The following JAKMIP2 variants were observed in gnomAD, a reference collection of about 807,000 sequenced individuals.
JAKMIP2 encodes the protein janus kinase and microtubule-interacting protein 2.
Under a neutral mutation model 115.0 loss-of-function variants are expected in JAKMIP2, and 25 were observed. That is an observed-to-expected ratio of 0.22 (90% CI 0.16 to 0.30). The LOEUF (loss-of-function observed/expected upper bound fraction) is 0.30. Ranked by LOEUF, JAKMIP2 falls within the 10% of genes least tolerant of loss-of-function variation. JAKMIP2 has a pLI of 1.00. For missense variants in JAKMIP2, 642 were observed against 957.6 expected, an observed-to-expected ratio of 0.67 and a Z score of 4.35; for synonymous variants, 334 against 343.6, an observed-to-expected ratio of 0.97 and a Z score of 0.31.
intron 2 of JAKMIP2, among the ~76,000 whole-genome samples, chr5:147,669,657 C>A (rs1314583367): frequency 2.0e-5 from 3 of 152,144 alleles, no homozygotes; most frequent in Admixed American, 2.0e-4. Context: ...GTCATAACTG[C>A]AATTAAAGGA....
At position 147,703,624 on chromosome 5, in the gene JAKMIP2, A is replaced by G. The variant is rs1194480057; in HGVS notation, c.-148-31670T>C. Among the ~76,000 whole-genome samples, 3 of 146,762 alleles carry G rather than the reference A, an allele frequency of 2.0e-5. No homozygotes were observed. In the East Asian group the frequency reaches 6.0e-4, roughly 29 times the overall value. On this transcript the variant is annotated intron_variant, in intron 1 of 21. Transcript: ENST00000616793. ...TTTTTTTTTTTAGTGACAAGACCTCACTATGTTTCCCAGGCTGGTCTCGTG... is the reference window on the plus strand; with the variant it reads ...TTTTTTTTTTTAGTGACAAGACCTCGCTATGTTTCCCAGGCTGGTCTCGTG...
At chr5:147,735,877 T>C (rs1385325872) in intron 1 of JAKMIP2, among the ~76,000 whole-genome samples, 2 of 152,204 alleles carry the variant, frequency 1.3e-5, no homozygotes, top group Non-Finnish European at 2.9e-5. Flanking sequence ...CACAGTGGAC[T>C]AGAATGAATG....
intron 1 of JAKMIP2, among the ~76,000 whole-genome samples, chr5:147,710,501 C>A (rs1752736873): frequency 6.6e-6 from 1 of 152,188 alleles, no homozygotes; most frequent in Non-Finnish European, 1.5e-5. Context: ...GGCTTTACGA[C>A]TTACTAGCTG....
chr5:147,591,864 A>T (rs1226925667), intron 21 of JAKMIP2, among the ~76,000 whole-genome samples, 178 bp from the exon 22 acceptor site: 2 of 152,196 alleles, frequency 1.3e-5, no homozygotes, highest in Non-Finnish European at 2.9e-5. Context: ...GAGAAAATAG[A>T]AGTCTCTATG....
intron 1 of JAKMIP2, among the ~76,000 whole-genome samples, chr5:147,697,804 C>T (rs1752164570): frequency 6.6e-6 from 1 of 152,208 alleles, no homozygotes; most frequent in Non-Finnish European, 1.5e-5. Flanking sequence ...GCCTGGATGT[C>T]CAGGCAGAAA....
At chr5:147,652,299 A>G (rs537363553) in intron 3 of JAKMIP2, among the ~76,000 whole-genome samples, 3 of 152,318 alleles carry the variant, frequency 2.0e-5, no homozygotes, top group South Asian at 2.1e-4. Flanking sequence ...GTTAGGTACT[A>G]TGCTATACTG....
chr5:147,604,727 TC>T (rs1202863321), intron 20 of JAKMIP2, among the ~76,000 whole-genome samples: 10 of 152,100 alleles, frequency 6.6e-5, no homozygotes, highest in African/African-American at 2.4e-4. Context: ...TGATTGGAAT[TC>T]CAGAGAAAAA....
chr5:147,628,964 A>T, intron 15 of JAKMIP2, 148 bp from the exon 16 acceptor site: 1 of 568,054 alleles, frequency 1.8e-6, no homozygotes. Context: ...ATAATTCTGA[A>T]CAAAGAGTTA....
At chr5:147,773,754 G>T (rs1755450917) in intron 1 of JAKMIP2, among the ~76,000 whole-genome samples, 1 of 152,034 alleles carries the variant, frequency 6.6e-6, no homozygotes, top group African/African-American at 2.4e-5. Flanking sequence ...AAAACCCAAA[G>T]GTCACACTCA....
In JAKMIP2 at chr5:147,588,059, C is replaced by T. The variant is rs1007482193; in HGVS notation, c.*3648G>A. ...TCAGAAGGGTTGTAATTTTTTTCAG[C>T]AAATTCTATTTCCTAAAAGTAGGGT... On this transcript the variant is annotated 3_prime_UTR_variant, in exon 22 of 22. Transcript: ENST00000616793. 6.6e-6 allele frequency: 1 copy of T among 151,744 alleles called. No homozygotes were observed. Among genetic ancestry groups the T allele is most frequent in the African/African-American group, 2.4e-5 (1 of 41,300 alleles). The allele number at this position is 151,744 out of a possible 1,614,324, so 9.4% of individuals were successfully genotyped here.
chr5:147,643,253 G>T (rs1157815821), intron 7 of JAKMIP2, among the ~76,000 whole-genome samples: 1 of 152,094 alleles, frequency 6.6e-6, no homozygotes, highest in Non-Finnish European at 1.5e-5. Context: ...TAAAAAGGAT[G>T]AATCATAAGT....
chr5:147,645,038 G>A (rs199694802), intron 5 of JAKMIP2, 42 bp from the exon 6 acceptor site: 453 of 1,603,560 alleles, frequency 2.8e-4, no homozygotes, highest in Middle Eastern at 8.3e-4. Context: ...GCGTTTGGGG[G>A]ACGTGGGGGC....
intron 1 of JAKMIP2, among the ~76,000 whole-genome samples, chr5:147,769,760 G>C (rs139923061): frequency 7.4e-6 from 1 of 135,574 alleles, no homozygotes; most frequent in African/African-American, 2.8e-5. Context: ...TATCCTCCTT[G>C]CCTTTTCCTT....
intron 1 of JAKMIP2, among the ~76,000 whole-genome samples, chr5:147,679,235 C>A (rs992427156): frequency 3.9e-5 from 6 of 152,100 alleles, no homozygotes; most frequent in Non-Finnish European, 8.8e-5. Context: ...CCCACCTTGG[C>A]CTCCCAAAGT....
intron 1 of JAKMIP2, among the ~76,000 whole-genome samples, chr5:147,725,052 C>G (rs921090401): frequency 1.1e-4 from 17 of 152,102 alleles, no homozygotes; most frequent in African/African-American, 4.1e-4. Context: ...CCAAACCCAC[C>G]AAAACCAAGA....
chr5:147,725,471 T>G, intron 1 of JAKMIP2, among the ~76,000 whole-genome samples: 1 of 152,148 alleles, frequency 6.6e-6, no homozygotes, highest in Non-Finnish European at 1.5e-5. Context: ...GGATCTGCAC[T>G]GGGACCTACC....
intron 20 of JAKMIP2, among the ~76,000 whole-genome samples, chr5:147,606,697 A>T (rs1756033963): frequency 6.6e-6 from 1 of 152,184 alleles, no homozygotes; most frequent in Non-Finnish European, 1.5e-5. Context: ...AATTTAAAAC[A>T]GTTTTTTCTA....
At chr5:147,778,678 T>C (rs1020136418) in intron 1 of JAKMIP2, among the ~76,000 whole-genome samples, 1 of 151,942 alleles carries the variant, frequency 6.6e-6, no homozygotes, top group Non-Finnish European at 1.5e-5. Flanking sequence ...CTGAAATTGA[T>C]AGAATATAAA....
chr5:147,640,673 C>T (rs1409552231), intron 9 of JAKMIP2, 31 bp downstream of exon 9: 1 of 1,606,010 alleles, frequency 6.2e-7, no homozygotes, highest in African/African-American at 1.3e-5. Flanking sequence ...GTGACAATAT[C>T]ACCCTAGGCT....
Sources: gnomAD v4.1 joint callset for allele counts (sites outside exome capture counted in the v4.1 genomes callset) on GRCh38, gnomAD v4.1.1 for gene constraint, MANE v1.5 for transcripts, NCBI Gene and HGNC (gene_info 2026-07-23, HGNC 2026-07-21) for gene names.